The following SH3RF3 variants were observed in gnomAD, a reference collection of about 807,000 sequenced individuals.
SH3RF3 encodes E3 ubiquitin-protein ligase SH3RF3.
A neutral mutation model predicts 66.3 loss-of-function variants in SH3RF3; 29 were observed. The observed-to-expected ratio is 0.44, with a 90% CI of 0.33 to 0.60. SH3RF3 has a LOEUF of 0.60. Among genes scored for constraint, SH3RF3 ranks in the 20% least tolerant of loss-of-function variants. SH3RF3 has a pLI of 0.04. For missense variants in SH3RF3, 1,194 were observed against 1,190.9 expected (o/e 1.00, Z -0.04); for synonymous variants, 583 against 532.0 (o/e 1.10, Z -1.32).
At chr2:109,337,883 A>G (rs1010385896) in intron 1 of SH3RF3, among the ~76,000 whole-genome samples, 43 of 149,794 alleles carry the variant, frequency 2.9e-4, no homozygotes, top group African/African-American at 6.9e-4. Flanking sequence ...ATGCACCACC[A>G]CGCCTGGCTA....
intron 3 of SH3RF3, among the ~76,000 whole-genome samples, chr2:109,393,317 C>T (rs1238223862): frequency 6.6e-6 from 1 of 152,190 alleles, no homozygotes; most frequent in Non-Finnish European, 1.5e-5. Flanking sequence ...GCCGAGCTTG[C>T]AAACAGTGTT....
intron 1 of SH3RF3, among the ~76,000 whole-genome samples, chr2:109,255,303 T>C (rs1432177860): frequency 6.6e-6 from 1 of 152,174 alleles, no homozygotes; most frequent in African/African-American, 2.4e-5. Context: ...GCAGACCCCA[T>C]ACCACCCACC....
At chr2:109,216,238 A>G (rs1002600773) in intron 1 of SH3RF3, among the ~76,000 whole-genome samples, 18 of 152,196 alleles carry the variant, frequency 1.2e-4, no homozygotes, top group Non-Finnish European at 1.6e-4. Context: ...GCCTGCTTCC[A>G]GGTCCTAACT....
intron 1 of SH3RF3, among the ~76,000 whole-genome samples, chr2:109,138,949 C>G (rs1174995490): frequency 2.6e-5 from 4 of 152,186 alleles, no homozygotes; most frequent in Non-Finnish European, 5.9e-5. Context: ...AAACAAATAG[C>G]CAATAGGTAT....
intron 8 of SH3RF3, among the ~76,000 whole-genome samples, chr2:109,467,951 C>T (rs1338326060): frequency 6.6e-6 from 1 of 152,232 alleles, no homozygotes; most frequent in African/African-American, 2.4e-5. Context: ...CACCTCCATG[C>T]GGGCTGCTGG....
At chr2:109,480,801 C>T (rs1678815552) in intron 8 of SH3RF3, among the ~76,000 whole-genome samples, 1 of 152,220 alleles carries the variant, frequency 6.6e-6, no homozygotes, top group Non-Finnish European at 1.5e-5. Context: ...ACATTATGAC[C>T]TCCGGCTCTC....
intron 1 of SH3RF3, among the ~76,000 whole-genome samples, chr2:109,214,115 G>A (rs1679055063): frequency 6.6e-6 from 1 of 152,302 alleles, no homozygotes; most frequent in Middle Eastern, 3.4e-3. Context: ...AATTGTCTTG[G>A]GTGTGCCGGG....
intron 8 of SH3RF3, among the ~76,000 whole-genome samples, chr2:109,449,819 G>A (rs762267980): frequency 5.3e-5 from 8 of 152,174 alleles, no homozygotes; most frequent in Non-Finnish European, 1.2e-4. Context: ...GTTAGAACAG[G>A]ATATTTATTG....
chr2:109,369,890 G>A (rs528001796), intron 2 of SH3RF3, among the ~76,000 whole-genome samples: 3 of 152,312 alleles, frequency 2.0e-5, no homozygotes, highest in African/African-American at 7.2e-5. Context: ...TGTAAGTCCC[G>A]AATTGCTGCT....
At chr2:109,428,850 A>T (rs561264784) in intron 5 of SH3RF3, among the ~76,000 whole-genome samples, 2 of 152,192 alleles carry the variant, frequency 1.3e-5, no homozygotes, top group East Asian at 1.9e-4. Context: ...GGAAGGTGAG[A>T]GTTGGGCTCA....
intron 1 of SH3RF3, among the ~76,000 whole-genome samples, chr2:109,170,419 CA>C (rs1428997209): frequency 6.6e-6 from 1 of 151,986 alleles, no homozygotes; most frequent in Non-Finnish European, 1.5e-5. Context: ...AATCTCGGCT[CA>C]CTGCAACCTC....
chr2:109,355,452 G>A (rs987244408), intron 2 of SH3RF3, among the ~76,000 whole-genome samples: 3 of 152,128 alleles, frequency 2.0e-5, no homozygotes, highest in Non-Finnish European at 4.4e-5. Flanking sequence ...AGTTTTATTG[G>A]TACACAGCCA....
chr2:109,186,466 C>T (rs1004171301), intron 1 of SH3RF3, among the ~76,000 whole-genome samples: 2 of 152,222 alleles, frequency 1.3e-5, no homozygotes, highest in Admixed American at 6.5e-5. Context: ...CTGGACCACC[C>T]GTGGGAGTTC....
At chr2:109,283,522 G>T (rs2105348084) in intron 1 of SH3RF3, among the ~76,000 whole-genome samples, 1 of 152,278 alleles carries the variant, frequency 6.6e-6, no homozygotes, top group African/African-American at 2.4e-5. Context: ...AGAGAGTAGG[G>T]GAGGGATGGG....
chr2:109,445,859 T>A (rs994692139), intron 7 of SH3RF3, among the ~76,000 whole-genome samples: 1 of 152,106 alleles, frequency 6.6e-6, no homozygotes, highest in African/African-American at 2.4e-5. Flanking sequence ...AATAGATCAT[T>A]TATTCATTCC....
chr2:109,440,176 G>GTCCAGTGTGTAGATGACAGT (rs1677521752), intron 7 of SH3RF3, among the ~76,000 whole-genome samples: 1 of 152,216 alleles, frequency 6.6e-6, no homozygotes, highest in Admixed American at 6.5e-5. Flanking sequence ...AGAAGGAGAA[G>GTCCAGTGTGTAGATGACAGT]TCCAGTGTGT....
chr2:109,139,563 T>C (rs1574469744), intron 1 of SH3RF3, among the ~76,000 whole-genome samples: 1 of 152,184 alleles, frequency 6.6e-6, no homozygotes, highest in East Asian at 1.9e-4. Context: ...GTTTTAAAAA[T>C]TAATTTAAAA....
chr2:109,266,787 C>T lies in SH3RF3; in HGVS notation c.574-80887C>T, dbSNP rs148225414. ...AGACAGGGGTGAGCGTGTGCCCACT[C>T]GCACATGCATGAGAGAGCCAGGGAG... On this transcript the variant is annotated intron_variant, in intron 1 of 9. Transcript: ENST00000309415. 2.5e-4 allele frequency among the ~76,000 whole-genome samples: 38 copies of T among 152,250 alleles called. No individual in the cohort carries two copies. In the East Asian group the frequency reaches 6.4e-3, roughly 26 times the overall value.
At chr2:109,326,752 A>T (rs1446563615) in intron 1 of SH3RF3, among the ~76,000 whole-genome samples, 1 of 152,170 alleles carries the variant, frequency 6.6e-6, no homozygotes, top group Admixed American at 6.5e-5. Flanking sequence ...CACTGTTCTA[A>T]GTGGTTCTGG....
Sources: gnomAD v4.1 joint callset for allele counts (sites outside exome capture counted in the v4.1 genomes callset) on GRCh38, gnomAD v4.1.1 for gene constraint, MANE v1.5 for transcripts, NCBI Gene and HGNC (gene_info 2026-07-23, HGNC 2026-07-21) for gene names.